Variants in RSU1 observed in about 807,000 individuals in gnomAD.
The protein encoded by RSU1 is rsu-1.
In RSU1, 26 loss-of-function variants were observed where a neutral mutation model predicts 31.1. That is an observed-to-expected ratio of 0.84 (90% CI 0.61 to 1.16). The LOEUF is 1.16. Ranked by LOEUF, RSU1 falls within the 50% of genes most tolerant of loss-of-function variation. RSU1 has a pLI of 0.00. For missense variants in RSU1, 320 were observed against 339.1 expected, an observed-to-expected ratio of 0.94 and a Z score of 0.44; for synonymous variants, 164 against 136.3, an observed-to-expected ratio of 1.20 and a Z score of -1.41.
rs769756332 is a variant in RSU1 at position 16,693,601 on chromosome 10, T to C, written c.731+1422A>G. Reference sequence around the variant, plus strand: ...GTGCCAGGCTGGGCATGGTGGCTCATGACTGTAATCCCAGCACTTTGGAAG... The same window carrying C: ...GTGCCAGGCTGGGCATGGTGGCTCACGACTGTAATCCCAGCACTTTGGAAG... On this transcript the variant is annotated intron_variant, in intron 8 of 8. Coordinates refer to ENST00000345264, the MANE Select transcript of RSU1 (RefSeq NM_012425.4). Among the ~76,000 whole-genome samples the C allele has an allele frequency of 1.9e-4, 29 of 152,138 alleles. 1 individual carries two copies. The highest frequency in any genetic ancestry group is 1.9e-4 in the Non-Finnish European group (13 of 68,018).
chr10:16,717,236 T>C (rs956150436), intron 7 of RSU1, among the ~76,000 whole-genome samples: 1 of 152,182 alleles, frequency 6.6e-6, no homozygotes, highest in African/African-American at 2.4e-5. Flanking sequence ...TGTGTTACAT[T>C]CTCTACAGAG....
intron 3 of RSU1, among the ~76,000 whole-genome samples, chr10:16,768,888 G>C (rs1049511757): frequency 6.6e-6 from 1 of 152,184 alleles, no homozygotes; most frequent in African/African-American, 2.4e-5. Context: ...CCTCCACTTT[G>C]CTGGACAGGC....
Position 16,736,959 on chromosome 10 carries a change from A to G in RSU1, c.598+15580T>C, listed in dbSNP as rs1238828306. Among the ~76,000 whole-genome samples, 5 of 151,666 alleles carry G rather than the reference A, an allele frequency of 3.3e-5. No homozygotes were observed. The East Asian group carries it at 9.7e-4, about 29-fold the overall frequency. On this transcript the variant is annotated intron_variant, in intron 7 of 8. Transcript: ENST00000345264. ...GAGATTAGACACTACAGAACAAAAAAAATCACTGAACTTAATGACAGTGCA... is the reference window on the plus strand; with the variant it reads ...GAGATTAGACACTACAGAACAAAAAGAATCACTGAACTTAATGACAGTGCA...
chr10:16,593,467 G>T lies in RSU1; in HGVS notation c.761C>A (p.Pro254Gln), dbSNP rs1833548677. Residue 254 changes from proline to glutamine, a missense_variant, in exon 9 of 9, where the codon CCA becomes CAA. By Grantham distance (76) the Pro-to-Gln change is moderately conservative. Transcript: ENST00000345264. Reference protein sequence around the residue: ...YLYGRHMQANPEPPKKNNDKS... With the variant: ...YLYGRHMQANQEPPKKNNDKS... ...GTCATTATTCTTCTTCGGTGGTTCT[G>T]GGTTGGCCTGCATGTGTCTGCCGTA... 1 of 1,613,954 alleles carries T rather than the reference G, an allele frequency of 6.2e-7. No individual in the cohort carries two copies. The highest frequency in any genetic ancestry group is 8.5e-7 in the Non-Finnish European group (1 of 1,179,994).
intron 7 of RSU1, among the ~76,000 whole-genome samples, chr10:16,709,773 T>C (rs1424832457): frequency 2.6e-5 from 4 of 152,226 alleles, no homozygotes; most frequent in Non-Finnish European, 4.4e-5. Context: ...TTCATGTGTC[T>C]TTTGGCTGCA....
chr10:16,791,815 G>C (rs1003483765), intron 2 of RSU1, among the ~76,000 whole-genome samples: 2 of 152,114 alleles, frequency 1.3e-5, no homozygotes, highest in Non-Finnish European at 2.9e-5. Flanking sequence ...CCACAGCCCT[G>C]TAAGATGACA....
chr10:16,677,866 C>T (rs1346804466), intron 8 of RSU1, among the ~76,000 whole-genome samples: 1 of 152,140 alleles, frequency 6.6e-6, no homozygotes, highest in Non-Finnish European at 1.5e-5. Flanking sequence ...ATTAAAAGAT[C>T]ACACCACTCA....
intron 7 of RSU1, among the ~76,000 whole-genome samples, chr10:16,707,814 T>C (rs1835936800): frequency 6.6e-6 from 1 of 152,202 alleles, no homozygotes; most frequent in East Asian, 1.9e-4. Flanking sequence ...GTGAAAAGTT[T>C]CCTCTCTGTT....
At chr10:16,789,136 T>C (rs1837859700) in intron 2 of RSU1, among the ~76,000 whole-genome samples, 1 of 152,366 alleles carries the variant, frequency 6.6e-6, no homozygotes, top group East Asian at 1.9e-4. Context: ...ACTGGTTCTT[T>C]TCAGTCATTT....
At chr10:16,704,058 TA>T (rs1835846899) in intron 7 of RSU1, among the ~76,000 whole-genome samples, 1 of 152,302 alleles carries the variant, frequency 6.6e-6, no homozygotes, top group East Asian at 1.9e-4. Flanking sequence ...GACCACACTC[TA>T]AAAGAAAATC....
chr10:16,642,042 AAAC>A (rs1442697764), intron 8 of RSU1, among the ~76,000 whole-genome samples: 1 of 152,210 alleles, frequency 6.6e-6, no homozygotes, highest in Non-Finnish European at 1.5e-5. Flanking sequence ...AGGTTTATAA[AAAC>A]ATCCTGCTGC....
At chr10:16,724,108 T>A (rs1588494833) in intron 7 of RSU1, among the ~76,000 whole-genome samples, 1 of 151,782 alleles carries the variant, frequency 6.6e-6, no homozygotes, top group East Asian at 1.9e-4. Context: ...GTCCAGCTAA[T>A]TTTTTTGTAT....
rs1006292161 is a variant in RSU1, at chr10:16,682,577, T to G, written c.731+12446A>C. Among the ~76,000 whole-genome samples, 3 of 35,454 alleles carry G rather than the reference T, an allele frequency of 8.5e-5. No homozygotes were observed. The East Asian group carries it at 2.8e-3, about 33-fold the overall frequency. The allele number at this position is 35,454 out of a possible 152,430, so 23.3% of individuals were successfully genotyped here. On this transcript the variant is annotated intron_variant, in intron 8 of 8. Transcript: ENST00000345264. Reference sequence around the variant, plus strand: ...ACACACACACACACACACACATGCATGCATGTTACCTAGGGTGGACATGCG... The same window carrying G: ...ACACACACACACACACACACATGCAGGCATGTTACCTAGGGTGGACATGCG...
chr10:16,801,311 G>A (rs917575027), intron 2 of RSU1, among the ~76,000 whole-genome samples: 8 of 152,140 alleles, frequency 5.3e-5, no homozygotes, highest in African/African-American at 1.7e-4. Context: ...ATTACATGAC[G>A]ATTAAATGGT....
At chr10:16,731,510 G>C (rs1836511751) in intron 7 of RSU1, among the ~76,000 whole-genome samples, 1 of 151,624 alleles carries the variant, frequency 6.6e-6, no homozygotes. Flanking sequence ...CTTGATGATA[G>C]AATTCCAAGG....
chr10:16,764,889 T>C (rs1370698127), intron 3 of RSU1, among the ~76,000 whole-genome samples: 2 of 152,150 alleles, frequency 1.3e-5, no homozygotes, highest in African/African-American at 4.8e-5. Context: ...CAACTTTTTT[T>C]TTCCTTTTGG....
At chr10:16,664,593 CCAGATGGGTGATCCTG>C (rs150153882) in intron 8 of RSU1, among the ~76,000 whole-genome samples, 3,275 of 152,226 alleles carry the variant, frequency 0.022, 111 homozygotes, top group African/African-American at 0.074. Flanking sequence ...GTCTGCAGTC[CCAGATGGGTGATCCTG>C]CAGTGGTCAC....
intron 3 of RSU1, 50 bp downstream of exon 3, chr10:16,781,984 T>A: frequency 6.7e-7 from 1 of 1,502,076 alleles, no homozygotes; most frequent in Non-Finnish European, 9.2e-7. Context: ...AGCAGTGCCA[T>A]AGGATTACCT....
chr10:16,747,544 C>A (rs1300621846), intron 7 of RSU1, among the ~76,000 whole-genome samples: 1 of 152,162 alleles, frequency 6.6e-6, no homozygotes, highest in African/African-American at 2.4e-5. Flanking sequence ...TCACCAATTC[C>A]TGTTAGTTTT....
Sources: gnomAD v4.1 joint callset for allele counts (sites outside exome capture counted in the v4.1 genomes callset) on GRCh38, gnomAD v4.1.1 for gene constraint, MANE v1.5 for transcripts, NCBI Gene and HGNC (gene_info 2026-07-23, HGNC 2026-07-21) for gene names.